PRKN: variants seen among roughly 807,000 people sequenced by gnomAD.
The protein encoded by PRKN is E3 ubiquitin-protein ligase parkin.
In PRKN, 56 loss-of-function variants were observed where a neutral mutation model predicts 59.5. That is an observed-to-expected ratio of 0.94 (90% CI 0.76 to 1.18). The LOEUF (loss-of-function observed/expected upper bound fraction) is 1.18, where lower values mean the gene tolerates loss of function less well. PRKN is among the 50% of genes most tolerant of loss of function. The probability of loss-of-function intolerance (pLI) is 0.00; values close to 1 mark genes in which losing one functional copy is unlikely to be tolerated. For missense variants in PRKN, 657 were observed against 596.4 expected, an observed-to-expected ratio of 1.10 and a Z score of -1.06; for synonymous variants, 250 against 222.1, an observed-to-expected ratio of 1.13 and a Z score of -1.12.
intron 7 of PRKN, among the ~76,000 whole-genome samples, chr6:161,759,874 T>C (rs1294723328): frequency 1.3e-5 from 2 of 152,116 alleles, no homozygotes; most frequent in Non-Finnish European, 2.9e-5. Flanking sequence ...TTTTCTGAAG[T>C]CTGACCAATG....
chr6:162,071,103 G>A (rs148757548), intron 4 of PRKN, among the ~76,000 whole-genome samples: 10 of 151,996 alleles, frequency 6.6e-5, no homozygotes, highest in Non-Finnish European at 8.8e-5. Context: ...ACAGCACATC[G>A]TGTCACGTTT....
rs535498770 is a variant in PRKN, at chr6:162,506,561, G to A, written c.8-63088C>T. Among the ~76,000 whole-genome samples, 15 of 152,302 alleles carry A rather than the reference G, an allele frequency of 9.8e-5. No individual in the cohort carries two copies. In the East Asian group the frequency reaches 2.9e-3, roughly 29 times the overall value. ...CAAATATGGACTTACCTTCTAAGATGTTCTGAGACAAAACATAAACACAGG... is the reference window on the plus strand; with the variant it reads ...CAAATATGGACTTACCTTCTAAGATATTCTGAGACAAAACATAAACACAGG... On this transcript the variant is annotated intron_variant, in intron 1 of 11. Coordinates refer to ENST00000366898, the MANE Select transcript of PRKN (RefSeq NM_004562.3).
chr6:161,627,874 T>A (rs1196707189), intron 7 of PRKN, among the ~76,000 whole-genome samples: 1 of 152,222 alleles, frequency 6.6e-6, no homozygotes, highest in East Asian at 1.9e-4. Context: ...CACTTAGGAA[T>A]AAATTGTGTT....
At chr6:161,618,783 C>A (rs2128149695) in intron 7 of PRKN, among the ~76,000 whole-genome samples, 1 of 152,280 alleles carries the variant, frequency 6.6e-6, no homozygotes, top group Middle Eastern at 3.4e-3. Context: ...TAATTTTAAT[C>A]CAAAAGACCA....
At chr6:162,022,364 A>G (rs1783241286) in intron 5 of PRKN, among the ~76,000 whole-genome samples, 1 of 152,152 alleles carries the variant, frequency 6.6e-6, no homozygotes, top group Non-Finnish European at 1.5e-5. Flanking sequence ...TTTTTTGACA[A>G]TAGCCATTCT....
chr6:162,246,784 G>C (rs558154326), intron 3 of PRKN, among the ~76,000 whole-genome samples: 2 of 152,166 alleles, frequency 1.3e-5, no homozygotes, highest in African/African-American at 4.8e-5. Flanking sequence ...ACAAAATCTT[G>C]CATTACAGTG....
At position 162,262,702 on chromosome 6, in the gene PRKN, C is replaced by A. The variant is rs770994041; in HGVS notation, c.235G>T (p.Glu79Ter). ...TCGTCGCCTCCAGTTGCATTCATTT[C>A]TTGACCTTTTCTCCACGGTCTCTGC... ...IVQRPWRKGQ[E>*]MNATGGDDPR... Residue 79 changes from glutamate (E) to a stop codon, truncating the protein, a stop_gained, in exon 3 of 12, where the codon GAA (glutamate) becomes TAA (stop). Transcript: ENST00000366898. LOFTEE classifies it high-confidence loss of function. 14 of 1,607,732 alleles carry A rather than the reference C, an allele frequency of 8.7e-6. No individual in the cohort carries two copies. The highest frequency in any genetic ancestry group is 1.1e-5 in the Non-Finnish European group (13 of 1,178,406).
chr6:161,897,899 G>T (rs947804109), intron 6 of PRKN, among the ~76,000 whole-genome samples: 7 of 132,704 alleles, frequency 5.3e-5, no homozygotes, highest in South Asian at 2.4e-4. Flanking sequence ...CCCGGGAGGC[G>T]GAGCTTGCAG....
chr6:162,637,122 T>G lies in PRKN; in HGVS notation c.7+90540A>C, dbSNP rs1583955939. 9.3e-5 allele frequency among the ~76,000 whole-genome samples: 14 copies of G among 151,096 alleles called. No individual in the cohort carries two copies. In the South Asian group the frequency reaches 2.9e-3, roughly 31 times the overall value. ...AATAAAAAAAAATAGCCGGGCGTGG[T>G]GGCGGGTGCCTATAATCCCAGCTAC... On this transcript the variant is annotated intron_variant, in intron 1 of 11. Coordinates refer to ENST00000366898, the MANE Select transcript of PRKN (RefSeq NM_004562.3).
At chr6:162,722,193 T>C (rs1156619780) in intron 1 of PRKN, among the ~76,000 whole-genome samples, 1 of 152,148 alleles carries the variant, frequency 6.6e-6, no homozygotes, top group Non-Finnish European at 1.5e-5. Context: ...CTAATACATA[T>C]GGTATAAAGA....
chr6:162,210,246 T>C (rs1396651430), intron 3 of PRKN, among the ~76,000 whole-genome samples: 7 of 152,176 alleles, frequency 4.6e-5, no homozygotes, highest in Admixed American at 3.9e-4. Context: ...TGCAATTATA[T>C]GTCTACTATT....
chr6:162,443,217 T>C (rs1790143582), intron 2 of PRKN, 93 bp downstream of exon 2: 2 of 1,295,858 alleles, frequency 1.5e-6, no homozygotes, highest in East Asian at 2.3e-5. Context: ...TTTATTCTAT[T>C]AGATCTCAGG....
chr6:161,721,191 C>A (rs541282792), intron 7 of PRKN, among the ~76,000 whole-genome samples: 3 of 152,162 alleles, frequency 2.0e-5, no homozygotes, highest in Non-Finnish European at 4.4e-5. Context: ...TGATTTTGAT[C>A]CAACTGTGTA....
intron 9 of PRKN, among the ~76,000 whole-genome samples, chr6:161,433,112 A>AGT (rs1378051316): frequency 6.6e-6 from 1 of 152,250 alleles, no homozygotes; most frequent in East Asian, 1.9e-4. Context: ...ATTTTGGCAT[A>AGT]TAACTGCAAA....
chr6:161,491,655 A>C (rs1013034882), intron 9 of PRKN, among the ~76,000 whole-genome samples: 13 of 150,400 alleles, frequency 8.6e-5, no homozygotes, highest in Non-Finnish European at 1.3e-4. Context: ...TTTTGAGATG[A>C]AGTCTTTCTC....
chr6:162,196,043 C>T (rs1239286195), intron 4 of PRKN, among the ~76,000 whole-genome samples: 1 of 152,230 alleles, frequency 6.6e-6, no homozygotes, highest in Non-Finnish European at 1.5e-5. Flanking sequence ...TAGTCAGTTA[C>T]TTCCTATCCC....
At chr6:162,080,360 T>G (rs544854320) in intron 4 of PRKN, among the ~76,000 whole-genome samples, 1 of 152,074 alleles carries the variant, frequency 6.6e-6, no homozygotes, top group Admixed American at 6.5e-5. Flanking sequence ...ACAAAACACA[T>G]GAAAAGTTCT....
intron 5 of PRKN, among the ~76,000 whole-genome samples, chr6:161,986,755 C>T (rs976303220): frequency 5.4e-5 from 8 of 148,262 alleles, no homozygotes; most frequent in African/African-American, 2.0e-4. Flanking sequence ...GGAAAATCCC[C>T]CCCACTCCCT....
intron 1 of PRKN, among the ~76,000 whole-genome samples, chr6:162,647,549 A>C (rs952463400): frequency 1.3e-5 from 2 of 152,164 alleles, no homozygotes; most frequent in African/African-American, 4.8e-5. Context: ...GTAGTTAAGA[A>C]AGTTTGGCTT....
Sources: allele counts gnomAD v4.1 joint callset (sites outside exome capture counted in the v4.1 genomes callset), GRCh38; gene constraint gnomAD v4.1.1; transcripts MANE v1.5; gene names NCBI Gene and HGNC (gene_info 2026-07-23, HGNC 2026-07-21).